Variants in COL18A1 observed in about 807,000 individuals in gnomAD.
The protein encoded by COL18A1 is collagen alpha-1(XVIII) chain.
COL18A1 carries 133 observed loss-of-function variants against 168.0 expected under a neutral mutation model. The ratio of observed to expected loss-of-function variants is 0.79; its 90% CI spans 0.69 to 0.91. COL18A1 has a LOEUF of 0.91. Among genes scored for constraint, COL18A1 ranks in the 40% least tolerant of loss-of-function variants. The probability of loss-of-function intolerance (pLI) is 0.00; values close to 1 mark genes in which losing one functional copy is unlikely to be tolerated. For missense variants in COL18A1, 2,126 were observed against 1,925.4 expected (o/e 1.10, Z -1.95); for synonymous variants, 949 against 809.0 (o/e 1.17, Z -2.94).
intron 2 of COL18A1, among the ~76,000 whole-genome samples, chr21:45,467,739 C>A (rs984935671): frequency 2.0e-5 from 3 of 152,116 alleles, no homozygotes; most frequent in African/African-American, 7.2e-5. Flanking sequence ...CCGGCCTGGG[C>A]TGCTCCAGCA....
chr21:45,405,251 G>C lies in COL18A1; in HGVS notation c.11+10G>C, dbSNP rs951214798. ...AGAGCATGGCGCCGAGGTGAGGCCG[G>C]GGCTGCGGGCAGGGGTTGGGGGACG... On this transcript the variant is annotated intron_variant, in intron 1 of 41. Transcript: ENST00000651438. 8.5e-5 allele frequency: 11 copies of C among 129,156 alleles called. No homozygotes were observed. The highest frequency in any genetic ancestry group is 4.2e-4 in the Admixed American group (2 of 4,716). 8.0% of individuals were successfully genotyped at this position (129,156 alleles called of 1,614,324 possible).
At chr21:45,507,722 C>A in intron 38 of COL18A1, 129 bp downstream of exon 38, 1 of 881,566 alleles carries the variant, frequency 1.1e-6, no homozygotes, top group Non-Finnish European at 1.9e-6. Context: ...TCACCATCAG[C>A]CCCTGCTGCA....
Position 45,456,610 on chromosome 21 carries a change from C to G in COL18A1, c.107-11632C>G, listed in dbSNP as rs765441466. 27 of 1,540,116 alleles carry G rather than the reference C, an allele frequency of 1.8e-5. No individual in the cohort carries two copies. In the South Asian group the frequency reaches 3.0e-4, roughly 17 times the overall value. ...TCTGGCTGCCCAACCACCTCCACCACGAGAGCGGCGAGCAGGTGCGGGCCG... is the reference window on the plus strand; with the variant it reads ...TCTGGCTGCCCAACCACCTCCACCAGGAGAGCGGCGAGCAGGTGCGGGCCG... On this transcript the variant is annotated intron_variant, in intron 2 of 41. Coordinates refer to ENST00000651438, the MANE Select transcript of COL18A1 (RefSeq NM_001379500.1).
rs1192259080 is a variant in COL18A1, at chr21:45,425,678, G to A, written c.106+20205G>A. ...CCCCGGCTCCTCAGGGGGAGGTTCG[G>A]GGCCTTTGGTCTCTGGACTTGGGCA... is the stretch of plus-strand genomic sequence containing the variant. On this transcript the variant is annotated intron_variant, in intron 2 of 41. Transcript: ENST00000651438. This position sits in a 1 kb window ranked among gnomAD's most constrained non-coding sequence, Gnocchi z 4.1. Among the ~76,000 whole-genome samples the A allele has an allele frequency of 6.6e-6, 1 of 152,104 alleles. No homozygotes were observed. The highest frequency in any genetic ancestry group is 1.5e-5 in the Non-Finnish European group (1 of 68,018).
At chr21:45,488,373 A>C in intron 17 of COL18A1, 45 bp from the exon 18 acceptor site, 1 of 1,613,340 alleles carries the variant, frequency 6.2e-7, no homozygotes, top group Non-Finnish European at 8.5e-7. Flanking sequence ...ATCTCACAGC[A>C]GGGCCTCCAG....
chr21:45,504,494 A>T lies in COL18A1; in HGVS notation c.2806A>T (p.Ser936Cys), dbSNP rs1172202551. 1 of 1,547,682 alleles carries T rather than the reference A, an allele frequency of 6.5e-7. No homozygotes were observed. Among genetic ancestry groups the T allele is most frequent in the South Asian group, 1.1e-5 (1 of 88,218 alleles). Residue 936 changes from serine (S) to cysteine (C), a missense_variant, in exon 34 of 42, where the codon AGC becomes TGC. By Grantham distance (112) the Ser-to-Cys change is moderately radical. Coordinates refer to ENST00000651438, the MANE Select transcript of COL18A1 (RefSeq NM_001379500.1). ...EPGGGGFFGS[S>C]LPGPPGPPGP... is the part of the protein sequence containing the mutation. ...CGGGGGCGGCGGTTTCTTCGGCTCC[A>T]GCCTGCCCGGCCCCCCCGGCCCCCC...
intron 2 of COL18A1, among the ~76,000 whole-genome samples, chr21:45,442,449 C>T (rs2034394552): frequency 6.6e-6 from 1 of 151,994 alleles, no homozygotes; most frequent in Admixed American, 6.6e-5. Flanking sequence ...TCACCTCTGT[C>T]AGCTGGGCAG....
intron 17 of COL18A1, chr21:45,487,744 T>G: frequency 3.0e-6 from 2 of 669,054 alleles, no homozygotes; most frequent in South Asian, 3.1e-5. Context: ...TGGGAGACAC[T>G]GTGAGTGGTC....
rs752761630 is a variant in COL18A1 at position 45,473,103 on chromosome 21, C to T, written c.652-792C>T. 3.3e-5 allele frequency among the ~76,000 whole-genome samples: 5 copies of T among 152,226 alleles called. No individual in the cohort carries two copies. Among genetic ancestry groups the T allele is most frequent in the Non-Finnish European group, 5.9e-5 (4 of 68,030 alleles). The stretch of plus-strand genomic sequence containing the variant: ...CAGCCCCCACCTGGCAGCCCCTTTT[C>T]CTGTCAAAGCCCCTCCCAGCGTCCT... On this transcript the variant is annotated intron_variant, in intron 3 of 41. Coordinates refer to ENST00000651438, the MANE Select transcript of COL18A1 (RefSeq NM_001379500.1). This position sits in a 1 kb window ranked among gnomAD's most constrained non-coding sequence, Gnocchi z 4.0.
intron 32 of COL18A1, chr21:45,502,533 A>G (rs971438374): frequency 6.6e-6 from 1 of 152,242 alleles, no homozygotes. Flanking sequence ...GAAATTGCGT[A>G]TGTTTTATAT....
At chr21:45,469,678 C>G (rs2145894534) in intron 3 of COL18A1, among the ~76,000 whole-genome samples, 1 of 152,348 alleles carries the variant, frequency 6.6e-6, no homozygotes, top group South Asian at 2.1e-4. Flanking sequence ...GGCACTGTCT[C>G]ACAAGTCCCT....
intron 2 of COL18A1, chr21:45,467,486 GA>G (rs1568891616): frequency 2.1e-6 from 2 of 955,002 alleles, no homozygotes; most frequent in African/African-American, 1.8e-5. Context: ...GCATGGGGGG[GA>G]TGGGGAGATA....
chr21:45,455,736 G>C, intron 2 of COL18A1: 1 of 1,613,812 alleles, frequency 6.2e-7, no homozygotes, highest in East Asian at 2.2e-5. Flanking sequence ...CCCCGGAATG[G>C]TTCCACAGAG....
At chr21:45,446,957 A>G (rs1486507469) in intron 2 of COL18A1, among the ~76,000 whole-genome samples, 1 of 152,216 alleles carries the variant, frequency 6.6e-6, no homozygotes, top group Non-Finnish European at 1.5e-5. Flanking sequence ...CCATTCATGA[A>G]AAACACTTAA....
At position 45,498,133 on chromosome 21, in the gene COL18A1, G is replaced by C; in HGVS notation, c.2683+472G>C. On this transcript the variant is annotated intron_variant, in intron 32 of 41. Transcript: ENST00000651438. The surrounding 1 kb of genome is among the most constrained non-coding windows in gnomAD (Gnocchi z 4.5). Reference sequence around the variant, plus strand: ...CCAAAGGACAAGAATTCCCCCCTGAGCCCCACCTCCATTGAGGGTGGCAGG... The same window carrying C: ...CCAAAGGACAAGAATTCCCCCCTGACCCCCACCTCCATTGAGGGTGGCAGG... The C allele has an allele frequency of 1.6e-6, 1 of 641,456 alleles. No homozygotes were observed. The highest frequency in any genetic ancestry group is 2.8e-6 in the Non-Finnish European group (1 of 355,274). The allele number at this position is 641,456 out of a possible 1,614,324, so 39.7% of individuals were successfully genotyped here. A position where few individuals can be genotyped will look rare whatever the true frequency, so the allele number is the denominator to read the frequency against.
At position 45,452,602 on chromosome 21, in the gene COL18A1, T is replaced by C. The variant is rs551386379; in HGVS notation, c.107-15640T>C. Among the ~76,000 whole-genome samples, 9 of 151,682 alleles carry C rather than the reference T, an allele frequency of 5.9e-5. No homozygotes were observed. The South Asian group carries it at 1.9e-3, about 32-fold the overall frequency. ...ATGTATGTACATGTGGGGGCTTGTG[T>C]ATGCATGTGAGCATTTGTATCTGAC... On this transcript the variant is annotated intron_variant, in intron 2 of 41. Transcript: ENST00000651438.
intron 2 of COL18A1, chr21:45,422,701 A>G (rs902651551): frequency 3.2e-6 from 1 of 308,356 alleles, no homozygotes; most frequent in African/African-American, 2.3e-5. Context: ...AGGTCAGGCC[A>G]CTGGGTGAGG....
At chr21:45,426,398 C>G (rs908086794) in intron 2 of COL18A1, among the ~76,000 whole-genome samples, 3 of 152,208 alleles carry the variant, frequency 2.0e-5, no homozygotes, top group Admixed American at 2.0e-4. Flanking sequence ...AGCCACCGAG[C>G]CTGGCCTGGA....
Position 45,416,761 on chromosome 21 carries a change from A to T in COL18A1, c.106+11288A>T, listed in dbSNP as rs186206247. ...GGTGCAGCCTCTACTCTCCCACTTG[A>T]TTGGAAGCAGCACAGCTCACTTTGC... On this transcript the variant is annotated intron_variant, in intron 2 of 41. Coordinates refer to ENST00000651438, the MANE Select transcript of COL18A1 (RefSeq NM_001379500.1). Among the ~76,000 whole-genome samples, 43 of 152,170 alleles carry T rather than the reference A, an allele frequency of 2.8e-4. No individual in the cohort carries two copies. The East Asian group carries it at 7.7e-3, about 27-fold the overall frequency.
Sources: gnomAD v4.1 joint callset for allele counts (sites outside exome capture counted in the v4.1 genomes callset) on GRCh38, gnomAD v4.1.1 for gene constraint, Gnocchi (gnomAD v3.1) non-coding constraint, MANE v1.5 for transcripts, NCBI Gene and HGNC (gene_info 2026-07-23, HGNC 2026-07-21) for gene names.